Variants in SLC35D2 observed in about 807,000 individuals in gnomAD.
SLC35D2 encodes the protein solute carrier family 35 member D2.
A neutral mutation model predicts 41.8 loss-of-function variants in SLC35D2; 43 were observed. The ratio of observed to expected loss-of-function variants is 1.03; its 90% CI spans 0.81 to 1.33. The LOEUF is 1.33. SLC35D2 is among the 40% of genes most tolerant of loss of function. The pLI is 0.00. For synonymous variants in SLC35D2, 150 were observed against 163.9 expected, an observed-to-expected ratio of 0.92 and a Z score of 0.65; for missense variants, 380 against 408.4, an observed-to-expected ratio of 0.93 and a Z score of 0.60.
intron 1 of SLC35D2, among the ~76,000 whole-genome samples, chr9:96,372,265 T>C (rs1267208505): frequency 1.3e-5 from 2 of 152,188 alleles, no homozygotes; most frequent in Non-Finnish European, 2.9e-5. Flanking sequence ...AAAGATGAAC[T>C]GAACAATCCA....
Position 96,324,106 on chromosome 9 carries a change from C to T in SLC35D2, c.816G>A (p.Val272=). ...ATCCACTCACCTTGATGGCTCCAAC[C>T]ACTGCTGTCGTCAGGGCTGAATTGT... The part of the protein sequence containing the change: ...SYYNSALTTA[V]VGAIKNVSVA... The change falls in exon 10 of 12, where the codon GTG becomes GTA. Residue 272 remains valine, a synonymous_variant. Coordinates refer to ENST00000253270, the MANE Select transcript of SLC35D2 (RefSeq NM_007001.3). 6.2e-7 allele frequency: 1 copy of T among 1,613,890 alleles called. No individual in the cohort carries two copies. The highest frequency in any genetic ancestry group is 8.5e-7 in the Non-Finnish European group (1 of 1,179,858).
intron 1 of SLC35D2, among the ~76,000 whole-genome samples, chr9:96,370,485 C>T (rs956735967): frequency 4.6e-5 from 7 of 151,900 alleles, no homozygotes; most frequent in Non-Finnish European, 7.4e-5. Flanking sequence ...GGTGAAACTC[C>T]GTCTCTGCTA....
chr9:96,377,956 AG>A (rs1234445115), intron 1 of SLC35D2, among the ~76,000 whole-genome samples: 2 of 152,202 alleles, frequency 1.3e-5, no homozygotes, highest in Admixed American at 1.3e-4. Context: ...AGCTCCATCA[AG>A]GGGGGTGAAG....
chr9:96,325,307 G>A (rs1001224194), intron 9 of SLC35D2, among the ~76,000 whole-genome samples: 4 of 152,212 alleles, frequency 2.6e-5, no homozygotes, highest in African/African-American at 9.7e-5. Flanking sequence ...ATGATGGAAT[G>A]TTGAAAGGGA....
intron 8 of SLC35D2, among the ~76,000 whole-genome samples, chr9:96,338,745 CA>C (rs1191546935): frequency 6.6e-6 from 1 of 151,966 alleles, no homozygotes; most frequent in African/African-American, 2.4e-5. Flanking sequence ...TCTGTCTTTC[CA>C]GCAAGCCCCA....
At chr9:96,371,474 C>CAAAAAAAAAAAAAAAAAAA (rs539576375) in intron 1 of SLC35D2, among the ~76,000 whole-genome samples, 46 of 46,638 alleles carry the variant, frequency 9.9e-4, no homozygotes, top group South Asian at 2.9e-3. Context: ...GACTCTGTCT[C>CAAAAAAAAAAAAAAAAAAA]AAAAAAAAAA....
At chr9:96,337,327 C>T (rs1829091017) in intron 8 of SLC35D2, among the ~76,000 whole-genome samples, 1 of 152,096 alleles carries the variant, frequency 6.6e-6, no homozygotes, top group Non-Finnish European at 1.5e-5. Flanking sequence ...GTTCCTCCCA[C>T]CTCAGTCTCC....
rs926512825 is a variant in SLC35D2 at position 96,321,056 on chromosome 9, G to C, written c.*186C>G. ...TTTCCACAGGTAAGGTGTCGCCCGAGTACATTTCTTGAGACTGCCATTGGC... is the reference window on the plus strand; with the variant it reads ...TTTCCACAGGTAAGGTGTCGCCCGACTACATTTCTTGAGACTGCCATTGGC... On this transcript the variant is annotated 3_prime_UTR_variant, in exon 12 of 12. Coordinates refer to ENST00000253270, the MANE Select transcript of SLC35D2 (RefSeq NM_007001.3). 6 of 552,574 alleles carry C rather than the reference G, an allele frequency of 1.1e-5. No homozygotes were observed. The highest frequency in any genetic ancestry group is 1.9e-5 in the Non-Finnish European group (6 of 311,134). The allele number at this position is 552,574 out of a possible 1,614,324, so 34.2% of individuals were successfully genotyped here.
At chr9:96,336,170 A>G (rs1333833444) in intron 9 of SLC35D2, among the ~76,000 whole-genome samples, 1 of 152,168 alleles carries the variant, frequency 6.6e-6, no homozygotes, top group African/African-American at 2.4e-5. Context: ...GTATAGCACT[A>G]TAGGAAAAGG....
chr9:96,381,389 C>A (rs1248481721), intron 1 of SLC35D2, among the ~76,000 whole-genome samples: 1 of 152,214 alleles, frequency 6.6e-6, no homozygotes, highest in Non-Finnish European at 1.5e-5. Flanking sequence ...CAATCCATTA[C>A]TCTCAGACCC....
intron 1 of SLC35D2, among the ~76,000 whole-genome samples, chr9:96,374,973 A>T (rs1830877776): frequency 6.7e-6 from 1 of 150,108 alleles, no homozygotes; most frequent in African/African-American, 2.4e-5. Flanking sequence ...TTTTACCCTA[A>T]TATTTCTATT....
At chr9:96,352,162 T>G in intron 4 of SLC35D2, 53 bp from the exon 5 acceptor site, 1 of 1,240,824 alleles carries the variant, frequency 8.1e-7, no homozygotes, top group Non-Finnish European at 1.2e-6. Context: ...TTGATTGGTT[T>G]TATCTTTTAC....
At chr9:96,370,142 C>T (rs1266956312) in intron 1 of SLC35D2, among the ~76,000 whole-genome samples, 1 of 152,114 alleles carries the variant, frequency 6.6e-6, no homozygotes, top group African/African-American at 2.4e-5. Flanking sequence ...AACGGCTACA[C>T]CCCTGCCCCA....
chr9:96,355,181 C>T (rs181220894), intron 4 of SLC35D2, among the ~76,000 whole-genome samples: 1 of 151,758 alleles, frequency 6.6e-6, no homozygotes, highest in African/African-American at 2.4e-5. Flanking sequence ...CCATGCCTGG[C>T]TAATTTTTGT....
Position 96,344,000 on chromosome 9 carries a change from C to T in SLC35D2, c.592-4G>A, listed in dbSNP as rs767344404. 3 of 1,566,848 alleles carry T rather than the reference C, an allele frequency of 1.9e-6. No homozygotes were observed. The highest frequency in any genetic ancestry group is 2.6e-6 in the Non-Finnish European group (3 of 1,159,426). ...GTACTCCGTATTTCCCTAGCTCCTG[C>T]AAAAACAAAAATGTAAAAACCACTC... On this transcript the variant is annotated splice_polypyrimidine_tract_variant and splice_region_variant and intron_variant, in intron 7 of 11. Coordinates refer to ENST00000253270, the MANE Select transcript of SLC35D2 (RefSeq NM_007001.3).
intron 9 of SLC35D2, among the ~76,000 whole-genome samples, chr9:96,326,805 C>CAAAAAAAA (rs373966865): frequency 9.5e-6 from 1 of 105,732 alleles, no homozygotes. Context: ...GACTCTGTCT[C>CAAAAAAAA]AAAAAAAAAA....
chr9:96,369,350 C>T (rs532032667), intron 1 of SLC35D2, among the ~76,000 whole-genome samples: 4 of 152,134 alleles, frequency 2.6e-5, no homozygotes, highest in Non-Finnish European at 4.4e-5. Context: ...CCATTATCCC[C>T]GAACTTATTT....
intron 8 of SLC35D2, 56 bp from the exon 9 acceptor site, chr9:96,336,840 T>A: frequency 9.9e-7 from 1 of 1,011,992 alleles, no homozygotes; most frequent in Admixed American, 2.2e-5. Flanking sequence ...CAGTTTAAAT[T>A]TACTGGTTTT....
chr9:96,374,850 A>C (rs1830873464), intron 1 of SLC35D2, among the ~76,000 whole-genome samples: 1 of 151,884 alleles, frequency 6.6e-6, no homozygotes, highest in African/African-American at 2.4e-5. Context: ...CCTCAAAAAA[A>C]AAAAAAAAAT....
Sources: gnomAD v4.1 joint callset for allele counts (sites outside exome capture counted in the v4.1 genomes callset) on GRCh38, gnomAD v4.1.1 for gene constraint, MANE v1.5 for transcripts, NCBI Gene and HGNC (gene_info 2026-07-23, HGNC 2026-07-21) for gene names.